NRXN3: variants seen among roughly 807,000 people sequenced by gnomAD.
NRXN3 encodes neurexin III.
A neutral mutation model predicts 137.6 loss-of-function variants in NRXN3; 32 were observed. The ratio of observed to expected loss-of-function variants is 0.23; its 90% confidence interval spans 0.18 to 0.31. NRXN3 has a LOEUF of 0.31. Ranked by LOEUF, NRXN3 falls within the 10% of genes least tolerant of loss-of-function variation. The probability of loss-of-function intolerance (pLI) is 1.00; values close to 1 mark genes in which losing one functional copy is unlikely to be tolerated. For synonymous variants in NRXN3, 798 were observed against 784.5 expected (o/e 1.02, Z -0.29); for missense variants, 1,574 against 2,062.5 (o/e 0.76, Z 4.59).
intron 16 of NRXN3, among the ~76,000 whole-genome samples, chr14:79,631,228 T>A (rs78986534): frequency 1.3e-5 from 2 of 152,226 alleles, no homozygotes; most frequent in African/African-American, 2.4e-5. Context: ...TTATAGTCAA[T>A]TGCCAACAGC....
intron 15 of NRXN3, among the ~76,000 whole-genome samples, chr14:79,253,710 C>A (rs1474116822): frequency 6.6e-6 from 1 of 152,186 alleles, no homozygotes; most frequent in Non-Finnish European, 1.5e-5. Context: ...GAGGCAGGAG[C>A]TGCCAAACAC....
intron 10 of NRXN3, among the ~76,000 whole-genome samples, chr14:78,956,559 A>G (rs1458231375): frequency 6.6e-6 from 1 of 152,184 alleles, no homozygotes; most frequent in Non-Finnish European, 1.5e-5. Context: ...GGAACTTTAC[A>G]TCATTTCAGT....
chr14:79,474,435 T>G (rs780276901), intron 16 of NRXN3, among the ~76,000 whole-genome samples: 8 of 152,090 alleles, frequency 5.3e-5, no homozygotes, highest in Admixed American at 1.3e-4. Context: ...TAGGCAAAAT[T>G]TTTTAATTTC....
intron 15 of NRXN3, among the ~76,000 whole-genome samples, chr14:79,401,978 A>G (rs2153493777): frequency 6.6e-6 from 1 of 152,190 alleles, no homozygotes; most frequent in South Asian, 2.1e-4. Flanking sequence ...GTGCAGTGGC[A>G]TGATCACAGC....
In NRXN3 at chr14:79,686,242, GA is replaced by G. The variant is rs1014835872; in HGVS notation, c.3617-5920del. On this transcript the variant is annotated intron_variant, in intron 17 of 20. Transcript: ENST00000335750. ...ACTCCAGCCTGCCTGTCTCAGAGAAGAAAAAAAAAAAGATAGTTGGACATGA... is the reference window on the plus strand; with the variant it reads ...ACTCCAGCCTGCCTGTCTCAGAGAAGAAAAAAAAAAGATAGTTGGACATGA... Among the ~76,000 whole-genome samples, 143 of 143,270 alleles carry G rather than the reference GA, an allele frequency of 1.0e-3. No homozygotes were observed. In the East Asian group the frequency reaches 0.012, roughly 12 times the overall value. The allele number at this position is 143,270 out of a possible 152,430, so 94.0% of individuals were successfully genotyped here. A position where few individuals can be genotyped will look rare whatever the true frequency, so the allele number is the denominator to read the frequency against.
intron 4 of NRXN3, among the ~76,000 whole-genome samples, chr14:78,626,482 A>G (rs1367224840): frequency 6.6e-6 from 1 of 152,240 alleles, no homozygotes; most frequent in African/African-American, 2.4e-5. Context: ...TTAAAAATAC[A>G]TATAATTTTT....
chr14:78,617,130 AT>A (rs894377577), intron 4 of NRXN3, among the ~76,000 whole-genome samples: 3 of 152,030 alleles, frequency 2.0e-5, no homozygotes, highest in Non-Finnish European at 4.4e-5. Flanking sequence ...ATGTATATAT[AT>A]TTTTTTTCCT....
chr14:79,655,399 G>A (rs890945223), intron 16 of NRXN3, among the ~76,000 whole-genome samples: 4 of 152,180 alleles, frequency 2.6e-5, no homozygotes, highest in African/African-American at 9.6e-5. Flanking sequence ...TGCTCTCCTT[G>A]TGTTCTGTTT....
At chr14:79,579,371 A>G (rs564539603) in intron 16 of NRXN3, among the ~76,000 whole-genome samples, 60 of 147,672 alleles carry the variant, frequency 4.1e-4, no homozygotes, top group Non-Finnish European at 8.2e-4. Context: ...TATATATAAT[A>G]TATATATAAT....
intron 10 of NRXN3, among the ~76,000 whole-genome samples, chr14:78,842,331 G>A (rs894302316): frequency 5.3e-5 from 8 of 151,978 alleles, no homozygotes; most frequent in African/African-American, 1.2e-4. Context: ...CTGGGTGTCC[G>A]GGGGAGACAT....
At chr14:79,316,210 A>G (rs764671530) in intron 15 of NRXN3, among the ~76,000 whole-genome samples, 2 of 152,236 alleles carry the variant, frequency 1.3e-5, no homozygotes, top group Non-Finnish European at 2.9e-5. Context: ...TACCATGCAA[A>G]CATTTGCTTG....
intron 4 of NRXN3, among the ~76,000 whole-genome samples, chr14:78,470,567 G>A (rs1280852239): frequency 1.3e-5 from 2 of 151,956 alleles, no homozygotes; most frequent in African/African-American, 4.8e-5. Context: ...TATCAGTGGG[G>A]CTGGTTGGTT....
chr14:79,211,028 G>A (rs571156102), intron 15 of NRXN3, among the ~76,000 whole-genome samples: 2 of 152,018 alleles, frequency 1.3e-5, no homozygotes, highest in African/African-American at 2.4e-5. Flanking sequence ...AAATGTGGTC[G>A]CTACTCTCCT....
At chr14:79,250,553 C>T (rs138211437) in intron 15 of NRXN3, among the ~76,000 whole-genome samples, 37 of 152,258 alleles carry the variant, frequency 2.4e-4, no homozygotes, top group African/African-American at 8.9e-4. Context: ...GAAGCCAAGA[C>T]ACAAAGCAGT....
At chr14:79,289,914 C>G (rs999179405) in intron 15 of NRXN3, among the ~76,000 whole-genome samples, 6 of 152,128 alleles carry the variant, frequency 3.9e-5, no homozygotes, top group African/African-American at 1.4e-4. Context: ...CTCTTGCTTA[C>G]CAGCTATTGA....
intron 11 of NRXN3, among the ~76,000 whole-genome samples, chr14:78,960,442 T>A (rs1049270531): frequency 6.6e-6 from 1 of 152,204 alleles, no homozygotes; most frequent in African/African-American, 2.4e-5. Context: ...GTGTGTCCAA[T>A]TTCAGCTAGT....
At chr14:78,888,295 A>C (rs554750512) in intron 10 of NRXN3, among the ~76,000 whole-genome samples, 1 of 152,160 alleles carries the variant, frequency 6.6e-6, no homozygotes, top group South Asian at 2.1e-4. Context: ...CTAACAATTA[A>C]GAGAATCTGT....
At chr14:78,339,047 T>C (rs1037289192) in intron 4 of NRXN3, among the ~76,000 whole-genome samples, 17 of 152,172 alleles carry the variant, frequency 1.1e-4, no homozygotes, top group African/African-American at 3.4e-4. Context: ...TGCAGTCCTC[T>C]GTGGTCAAAC....
At chr14:79,707,796 G>C (rs1310980001) in intron 19 of NRXN3, among the ~76,000 whole-genome samples, 1 of 151,800 alleles carries the variant, frequency 6.6e-6, no homozygotes, top group African/African-American at 2.4e-5. Context: ...ACACACACAG[G>C]GACAGTTAAA....
Sources: gnomAD v4.1 joint callset for allele counts (sites outside exome capture counted in the v4.1 genomes callset) on GRCh38, gnomAD v4.1.1 for gene constraint, MANE v1.5 for transcripts, NCBI Gene and HGNC (gene_info 2026-07-23, HGNC 2026-07-21) for gene names.